Variants in KCNH7 observed in about 807,000 individuals in gnomAD.
KCNH7 encodes the protein potassium voltage-gated channel subfamily H member 7.
Under a neutral mutation model 120.8 loss-of-function variants are expected in KCNH7, and 49 were observed. The observed-to-expected ratio is 0.41, with a 90% CI of 0.32 to 0.51. The LOEUF is 0.51. Among genes scored for constraint, KCNH7 ranks in the 20% least tolerant of loss-of-function variants. The pLI is 0.38. For synonymous variants in KCNH7, 547 were observed against 516.1 expected, an observed-to-expected ratio of 1.06 and a Z score of -0.81; for missense variants, 1,097 against 1,446.6, an observed-to-expected ratio of 0.76 and a Z score of 3.92.
chr2:162,815,891 C>T (rs1173358932), intron 2 of KCNH7, among the ~76,000 whole-genome samples: 1 of 152,184 alleles, frequency 6.6e-6, no homozygotes, highest in Non-Finnish European at 1.5e-5. Flanking sequence ...ATAAGTAGCA[C>T]ACATGTATCT....
chr2:162,717,774 GTGAA>G, intron 2 of KCNH7, among the ~76,000 whole-genome samples: 1 of 152,078 alleles, frequency 6.6e-6, no homozygotes, highest in African/African-American at 2.4e-5. Context: ...TGACACTTGA[GTGAA>G]TGAATGAATG....
At chr2:162,831,618 T>C (rs928497511) in intron 2 of KCNH7, among the ~76,000 whole-genome samples, 1 of 152,126 alleles carries the variant, frequency 6.6e-6, no homozygotes, top group Non-Finnish European at 1.5e-5. Context: ...GCAGGCCAGA[T>C]TGCCAGCAAT....
intron 2 of KCNH7, among the ~76,000 whole-genome samples, chr2:162,596,145 T>G (rs994092624): frequency 9.2e-5 from 14 of 152,068 alleles, no homozygotes; most frequent in African/African-American, 2.4e-4. Flanking sequence ...AACGGATCTA[T>G]AGATTCAATG....
chr2:162,686,437 A>G (rs1313782810), intron 2 of KCNH7, among the ~76,000 whole-genome samples: 1 of 152,112 alleles, frequency 6.6e-6, no homozygotes, highest in African/African-American at 2.4e-5. Context: ...TGCAAACCAT[A>G]TTCTATTTAT....
At chr2:162,539,936 A>G (rs1346372935) in intron 2 of KCNH7, among the ~76,000 whole-genome samples, 1 of 152,120 alleles carries the variant, frequency 6.6e-6, no homozygotes, top group Non-Finnish European at 1.5e-5. Context: ...GGATAATTCT[A>G]CAAACTCCAA....
At chr2:162,706,087 A>G (rs1272731863) in intron 2 of KCNH7, among the ~76,000 whole-genome samples, 1 of 152,114 alleles carries the variant, frequency 6.6e-6, no homozygotes, top group Non-Finnish European at 1.5e-5. Context: ...TGCTAAATGT[A>G]CAATCTTTTG....
chr2:162,722,018 A>C (rs1183398254), intron 2 of KCNH7, among the ~76,000 whole-genome samples: 2 of 152,106 alleles, frequency 1.3e-5, no homozygotes, highest in African/African-American at 4.8e-5. Flanking sequence ...TAATCATGAC[A>C]TACTTCTTTA....
At chr2:162,389,470 G>T (rs887255291) in intron 12 of KCNH7, among the ~76,000 whole-genome samples, 1 of 151,970 alleles carries the variant, frequency 6.6e-6, no homozygotes, top group African/African-American at 2.4e-5. Context: ...TTTTGGAAAA[G>T]GAAGCAGGAA....
chr2:162,432,661 A>G (rs1688109060), intron 8 of KCNH7, among the ~76,000 whole-genome samples: 1 of 152,052 alleles, frequency 6.6e-6, no homozygotes, highest in Non-Finnish European at 1.5e-5. Flanking sequence ...GAAAGATCAT[A>G]CTTTGAAATA....
intron 2 of KCNH7, among the ~76,000 whole-genome samples, chr2:162,715,298 A>G (rs1028544749): frequency 6.6e-6 from 1 of 152,162 alleles, no homozygotes; most frequent in Non-Finnish European, 1.5e-5. Context: ...GGTAAGTGCC[A>G]CACACTTTTA....
chr2:162,703,752 G>A (rs1686596731), intron 2 of KCNH7, among the ~76,000 whole-genome samples: 1 of 152,074 alleles, frequency 6.6e-6, no homozygotes, highest in South Asian at 2.1e-4. Flanking sequence ...ACTTTTTCTA[G>A]ACGGGCATCC....
chr2:162,554,845 C>T (rs1215133285), intron 2 of KCNH7, among the ~76,000 whole-genome samples: 1 of 152,146 alleles, frequency 6.6e-6, no homozygotes, highest in African/African-American at 2.4e-5. Context: ...TGTAAGGTAA[C>T]GTATTCACAG....
At chr2:162,811,493 G>A (rs2105568931) in intron 2 of KCNH7, among the ~76,000 whole-genome samples, 1 of 152,034 alleles carries the variant, frequency 6.6e-6, no homozygotes, top group African/African-American at 2.4e-5. Flanking sequence ...TTTTACAACT[G>A]AGGATTTTAC....
chr2:162,836,060 A>C (rs1685653336), intron 2 of KCNH7, among the ~76,000 whole-genome samples: 2 of 152,220 alleles, frequency 1.3e-5, no homozygotes, highest in Non-Finnish European at 2.9e-5. Flanking sequence ...CAAAAGAAAC[A>C]AGAGGTGTTG....
chr2:162,643,187 C>T (rs1684225972), intron 2 of KCNH7, among the ~76,000 whole-genome samples: 1 of 151,834 alleles, frequency 6.6e-6, no homozygotes, highest in South Asian at 2.1e-4. Flanking sequence ...TAAGGCTGTT[C>T]ACCTTCCAAA....
At chr2:162,729,111 T>C (rs1239481701) in intron 2 of KCNH7, among the ~76,000 whole-genome samples, 4 of 151,948 alleles carry the variant, frequency 2.6e-5, no homozygotes. Context: ...GTCTCTCGAC[T>C]CTATACTGTT....
At chr2:162,583,992 T>C (rs1221344665) in intron 2 of KCNH7, among the ~76,000 whole-genome samples, 4 of 152,250 alleles carry the variant, frequency 2.6e-5, no homozygotes, top group Middle Eastern at 3.4e-3. Flanking sequence ...TTGATATCTA[T>C]GCATCAAAAT....
chr2:162,681,933 ACT>A (rs1356257160), intron 2 of KCNH7, among the ~76,000 whole-genome samples: 8 of 151,476 alleles, frequency 5.3e-5, no homozygotes, highest in Admixed American at 2.0e-4. Context: ...GAAAATCTTA[ACT>A]CTTTGACACT....
At chr2:162,783,066 C>T (rs997121164) in intron 2 of KCNH7, among the ~76,000 whole-genome samples, 2 of 152,188 alleles carry the variant, frequency 1.3e-5, no homozygotes, top group South Asian at 2.1e-4. Flanking sequence ...TGTTATCCAA[C>T]AGTGGCTAGG....
Sources: gnomAD v4.1 joint callset for allele counts (sites outside exome capture counted in the v4.1 genomes callset) on GRCh38, gnomAD v4.1.1 for gene constraint, MANE v1.5 for transcripts, NCBI Gene and HGNC (gene_info 2026-07-23, HGNC 2026-07-21) for gene names.